Variants in CENPO observed in about 807,000 individuals in gnomAD.
CENPO encodes the protein centromeric protein O.
A neutral mutation model predicts 36.1 loss-of-function variants in CENPO; 30 were observed. That is an observed-to-expected ratio of 0.83 (90% CI 0.62 to 1.13). The LOEUF is 1.13. CENPO is among the 50% of genes most tolerant of loss of function. The pLI, the probability that CENPO is intolerant of heterozygous loss-of-function variation, is 0.00. For missense variants in CENPO, 349 were observed against 357.8 expected (o/e 0.98, Z 0.20); for synonymous variants, 171 against 142.3 (o/e 1.20, Z -1.44).
Position 24,793,454 on chromosome 2 carries a change from G to T in CENPO, c.-116G>T. On this transcript the variant is annotated 5_prime_UTR_variant, in exon 1 of 8. Transcript: ENST00000380834. The stretch of plus-strand genomic sequence containing the variant: ...TCGCAAAGCACGCCGGGACCGGTTG[G>T]TTTGGTTTTGAAGACGTGGATGGCG... 1 of 1,605,508 alleles carries T rather than the reference G, an allele frequency of 6.2e-7. No individual in the cohort carries two copies. Among genetic ancestry groups the T allele is most frequent in the Non-Finnish European group, 8.5e-7 (1 of 1,175,730 alleles).
At chr2:24,796,386 A>G (rs1012409862) in intron 2 of CENPO, among the ~76,000 whole-genome samples, 1 of 152,194 alleles carries the variant, frequency 6.6e-6, no homozygotes, top group African/African-American at 2.4e-5. Context: ...AGTGTTTACC[A>G]TGTGTAAACA....
chr2:24,810,318 G>A (rs1666617720), intron 3 of CENPO, among the ~76,000 whole-genome samples: 1 of 151,718 alleles, frequency 6.6e-6, no homozygotes, highest in African/African-American at 2.4e-5. Flanking sequence ...GGTGGCTCAC[G>A]CCTGTAATCC....
rs139941682 is a variant in CENPO at position 24,818,689 on chromosome 2, C to T, written c.*36-665C>T. On this transcript the variant is annotated intron_variant, in intron 7 of 7. Transcript: ENST00000380834. ...GCCCATTAACTCAGGGGGACTCAGG[C>T]GCCCCCCGGGTCTTCCCTCTCCTGC... 1.5e-3 allele frequency among the ~76,000 whole-genome samples: 236 copies of T among 152,340 alleles called. 1 individual carries two copies. Among genetic ancestry groups the T allele is most frequent in the African/African-American group, 5.5e-3 (230 of 41,582 alleles).
intron 5 of CENPO, 100 bp from the exon 6 acceptor site, chr2:24,816,546 C>T (rs577662647): frequency 6.5e-6 from 5 of 768,834 alleles, no homozygotes; most frequent in South Asian, 4.5e-5. Context: ...GAAATGTAAT[C>T]GATGGGCCTC....
At chr2:24,817,490 A>C (rs1156731593) in intron 6 of CENPO, among the ~76,000 whole-genome samples, 180 bp from the exon 7 acceptor site, 2 of 122,942 alleles carry the variant, frequency 1.6e-5, no homozygotes, top group Non-Finnish European at 3.6e-5. Flanking sequence ...GTATGGGTCC[A>C]GTGGGTCCAG....
At chr2:24,804,809 GT>G (rs1666311698) in intron 3 of CENPO, among the ~76,000 whole-genome samples, 1 of 152,078 alleles carries the variant, frequency 6.6e-6, no homozygotes, top group Admixed American at 6.6e-5. Context: ...GTGTCTTGGG[GT>G]TGCTCTTCTC....
chr2:24,817,522 G>C, intron 6 of CENPO, 148 bp from the exon 7 acceptor site: 1 of 1,034,890 alleles, frequency 9.7e-7, no homozygotes, highest in Non-Finnish European at 1.4e-6. Flanking sequence ...TCCAGGTTCC[G>C]ATTCCCCCAG....
chr2:24,817,652 T>C lies in CENPO; in HGVS notation c.767-18T>C, dbSNP rs1667017967. On this transcript the variant is annotated intron_variant, in intron 6 of 7. Transcript: ENST00000380834. ...CCCCAGCTGCACTGAATGAGATTGATGGAATCTTTCTTTTTAGGAGTGGAA... is the reference window on the plus strand; with the variant it reads ...CCCCAGCTGCACTGAATGAGATTGACGGAATCTTTCTTTTTAGGAGTGGAA... The C allele has an allele frequency of 6.2e-7, 1 of 1,613,930 alleles. No homozygotes were observed. Among genetic ancestry groups the C allele is most frequent in the South Asian group, 1.1e-5 (1 of 91,074 alleles).
At chr2:24,812,913 T>G (rs915067870) in intron 3 of CENPO, among the ~76,000 whole-genome samples, 2 of 150,722 alleles carry the variant, frequency 1.3e-5, no homozygotes, top group African/African-American at 2.4e-5. Context: ...TTTTTTTTTT[T>G]TTTTTTTTTT....
intron 3 of CENPO, among the ~76,000 whole-genome samples, chr2:24,802,168 C>A (rs944257704): frequency 2.6e-5 from 4 of 152,092 alleles, no homozygotes; most frequent in Non-Finnish European, 5.9e-5. Flanking sequence ...GATTTTTGCA[C>A]ATTGATTTTG....
intron 1 of CENPO, 26 bp downstream of exon 1, chr2:24,793,527 G>T (rs1393189594): frequency 6.4e-7 from 1 of 1,563,692 alleles, no homozygotes; most frequent in Non-Finnish European, 8.7e-7. Context: ...GAAGGTAGGG[G>T]AAAGACCCAT....
chr2:24,817,084 C>T (rs1305401423), intron 6 of CENPO, among the ~76,000 whole-genome samples: 3 of 152,132 alleles, frequency 2.0e-5, no homozygotes, highest in Admixed American at 6.5e-5. Flanking sequence ...GATTTGTTTT[C>T]ACTGGGGGCC....
chr2:24,819,226 A>ATTCTCTTAAAGCAGTAGC (rs1304815124), intron 7 of CENPO, 128 bp from the exon 8 acceptor site: 2 of 152,656 alleles, frequency 1.3e-5, no homozygotes, highest in African/African-American at 2.4e-5. Flanking sequence ...ATACCTGTAA[A>ATTCTCTTAAAGCAGTAGC]TTCTCTTAAA....
At position 24,821,900 on chromosome 2, in the gene CENPO, T is replaced by G; in HGVS notation, c.*2582T>G. 2.3e-6 allele frequency: 1 copy of G among 426,692 alleles called. No individual in the cohort carries two copies. The highest frequency in any genetic ancestry group is 4.2e-6 in the Non-Finnish European group (1 of 237,434). The allele number at this position is 426,692 out of a possible 1,614,324, so 26.4% of individuals were successfully genotyped here. ...GAGTCTGACCACGAGGCGGACCCCTTCACCTTGGCTGGGCCTGGTCCTGGT... is the reference window on the plus strand; with the variant it reads ...GAGTCTGACCACGAGGCGGACCCCTGCACCTTGGCTGGGCCTGGTCCTGGT... On this transcript the variant is annotated 3_prime_UTR_variant, in exon 8 of 8. Coordinates refer to ENST00000380834, the MANE Select transcript of CENPO (RefSeq NM_001322101.2).
At chr2:24,794,031 C>T in intron 2 of CENPO, 66 bp downstream of exon 2, 8 of 1,274,436 alleles carry the variant, frequency 6.3e-6, no homozygotes, top group Non-Finnish European at 8.0e-6. Context: ...TGAGAGAGCC[C>T]TTTCCTCCTG....
intron 3 of CENPO, among the ~76,000 whole-genome samples, chr2:24,809,414 ATACTT>A (rs1199133700): frequency 6.6e-6 from 1 of 152,162 alleles, no homozygotes; most frequent in African/African-American, 2.4e-5. Context: ...CTTGAGATGA[ATACTT>A]TATTGATATT....
intron 3 of CENPO, among the ~76,000 whole-genome samples, chr2:24,801,766 C>T (rs1223141888): frequency 6.6e-6 from 1 of 152,158 alleles, no homozygotes; most frequent in East Asian, 1.9e-4. Flanking sequence ...AGGGTGATGC[C>T]TCCAGCTTTG....
chr2:24,816,950 C>T lies in CENPO; in HGVS notation c.766+133C>T, dbSNP rs184652845. ...TTTATATACTGTACATTACTCAGACCGGTAAGATAGAACATTCTTGTTTCT... is the reference window on the plus strand; with the variant it reads ...TTTATATACTGTACATTACTCAGACTGGTAAGATAGAACATTCTTGTTTCT... On this transcript the variant is annotated intron_variant, in intron 6 of 7. Transcript: ENST00000380834. The T allele has an allele frequency of 8.9e-4, 617 of 693,342 alleles. 7 individuals are homozygous for T. The Admixed American group carries it at 0.018, about 20-fold the overall frequency. The allele number at this position is 693,342 out of a possible 1,614,324, so 42.9% of individuals were successfully genotyped here. A position where few individuals can be genotyped will look rare whatever the true frequency, so the allele number is the denominator to read the frequency against.
chr2:24,816,497 CT>C, intron 5 of CENPO, 148 bp from the exon 6 acceptor site: 1 of 647,914 alleles, frequency 1.5e-6, no homozygotes, highest in Non-Finnish European at 2.6e-6. Context: ...TTCATTAGTC[CT>C]TTTTTCAGAC....
Sources: allele counts gnomAD v4.1 joint callset (sites outside exome capture counted in the v4.1 genomes callset), GRCh38; gene constraint gnomAD v4.1.1; transcripts MANE v1.5; gene names NCBI Gene and HGNC (gene_info 2026-07-23, HGNC 2026-07-21).